The following DTNBP1 variants were observed in gnomAD, a reference collection of about 807,000 sequenced individuals.
DTNBP1 encodes the protein dystrobrevin binding protein 1.
In DTNBP1, 35 loss-of-function variants were observed where a neutral mutation model predicts 42.8. The ratio of observed to expected loss-of-function variants is 0.82; its 90% CI spans 0.63 to 1.09. The LOEUF (loss-of-function observed/expected upper bound fraction) is 1.09. DTNBP1 is among the 50% of genes least tolerant of loss of function. The pLI, the probability that DTNBP1 is intolerant of heterozygous loss-of-function variation, is 0.00. For synonymous variants in DTNBP1, 171 were observed against 162.2 expected (o/e 1.05, Z -0.41); for missense variants, 457 against 424.2 (o/e 1.08, Z -0.68).
At chr6:15,569,372 G>A (rs1256726906) in intron 7 of DTNBP1, among the ~76,000 whole-genome samples, 3 of 38,840 alleles carry the variant, frequency 7.7e-5, no homozygotes, top group African/African-American at 2.7e-4. Context: ...CGCCCGCCCC[G>A]ACAGGAACGA....
chr6:15,569,230 T>C (rs138404509), intron 7 of DTNBP1, among the ~76,000 whole-genome samples: 1,573 of 152,294 alleles, frequency 0.01, 9 homozygotes, highest in South Asian at 0.018. Context: ...AAGAATCATT[T>C]GCATCCCCAC....
intron 7 of DTNBP1, among the ~76,000 whole-genome samples, chr6:15,569,355 C>T (rs1435968865): frequency 5.7e-4 from 34 of 59,668 alleles, no homozygotes; most frequent in East Asian, 1.2e-3. Flanking sequence ...CAGTTAAGAC[C>T]CCCCCCCGCC....
intron 6 of DTNBP1, among the ~76,000 whole-genome samples, chr6:15,605,233 G>A (rs1167538097): frequency 1.3e-5 from 2 of 152,150 alleles, no homozygotes; most frequent in East Asian, 3.8e-4. Context: ...TATTGTGAGA[G>A]AACTTCAATA....
At chr6:15,588,079 A>C (rs906150742) in intron 7 of DTNBP1, among the ~76,000 whole-genome samples, 1 of 152,218 alleles carries the variant, frequency 6.6e-6, no homozygotes, top group Admixed American at 6.5e-5. Flanking sequence ...CAAAACCTGG[A>C]AACAATCCAA....
At chr6:15,648,790 T>C (rs112315327) in intron 3 of DTNBP1, among the ~76,000 whole-genome samples, 1,763 of 152,184 alleles carry the variant, frequency 0.012, 14 homozygotes, top group Non-Finnish European at 0.017. Flanking sequence ...ATACTTAACA[T>C]TGTTATCTGT....
intron 4 of DTNBP1, among the ~76,000 whole-genome samples, chr6:15,635,187 C>T (rs566613143): frequency 1.6e-4 from 25 of 152,206 alleles, no homozygotes; most frequent in African/African-American, 5.8e-4. Context: ...GGCATGATCT[C>T]GGCTCATTGC....
At chr6:15,542,380 T>C (rs1480246743) in intron 7 of DTNBP1, among the ~76,000 whole-genome samples, 2 of 152,274 alleles carry the variant, frequency 1.3e-5, no homozygotes, top group South Asian at 4.1e-4. Flanking sequence ...TTTTTTGTTT[T>C]TTGTTTTTTT....
At chr6:15,604,320 C>T (rs536656638) in intron 6 of DTNBP1, among the ~76,000 whole-genome samples, 42 of 152,290 alleles carry the variant, frequency 2.8e-4, no homozygotes, top group African/African-American at 9.9e-4. Context: ...TCTCCTGCTC[C>T]CCTTTTCATT....
intron 6 of DTNBP1, 46 bp from the exon 7 acceptor site, chr6:15,593,127 C>G: frequency 6.6e-7 from 1 of 1,511,224 alleles, no homozygotes; most frequent in Non-Finnish European, 9.0e-7. Context: ...AATTAAAAAT[C>G]TCCCCAATGA....
At chr6:15,628,937 A>C (rs964525921) in intron 4 of DTNBP1, among the ~76,000 whole-genome samples, 2 of 152,210 alleles carry the variant, frequency 1.3e-5, no homozygotes. Flanking sequence ...CCCACGCTGG[A>C]GGGATAAACA....
intron 5 of DTNBP1, among the ~76,000 whole-genome samples, chr6:15,616,036 T>G (rs1017311919): frequency 6.6e-6 from 1 of 152,208 alleles, no homozygotes; most frequent in African/African-American, 2.4e-5. Flanking sequence ...TATTGGAACA[T>G]GAAGATCACC....
At chr6:15,576,835 C>G (rs973235106) in intron 7 of DTNBP1, among the ~76,000 whole-genome samples, 1 of 148,898 alleles carries the variant, frequency 6.7e-6, no homozygotes, top group Non-Finnish European at 1.5e-5. Context: ...GCTGTAAGAA[C>G]TGGAGAGCCA....
chr6:15,573,580 T>C (rs1171716185), intron 7 of DTNBP1, among the ~76,000 whole-genome samples: 1 of 152,022 alleles, frequency 6.6e-6, no homozygotes, highest in Non-Finnish European at 1.5e-5. Context: ...TCTGGGAGGC[T>C]GAAGCAAGTG....
chr6:15,627,492 G>A lies in DTNBP1; in HGVS notation c.223-17C>T, dbSNP rs951822095. 1.2e-6 allele frequency: 2 copies of A among 1,613,400 alleles called. No homozygotes were observed. Among genetic ancestry groups the A allele is most frequent in the South Asian group, 2.2e-5 (2 of 91,042 alleles). ...ATCCACCAGCTGCAGCACACAAGAA[G>A]GGGGGTAAAGTGAAACCAGGTTTTA... On this transcript the variant is annotated splice_polypyrimidine_tract_variant and intron_variant, in intron 4 of 9. Coordinates refer to ENST00000344537, the MANE Select transcript of DTNBP1 (RefSeq NM_032122.5).
chr6:15,662,452 C>G (rs1470317516), intron 1 of DTNBP1, among the ~76,000 whole-genome samples: 2 of 152,178 alleles, frequency 1.3e-5, no homozygotes, highest in African/African-American at 4.8e-5. Context: ...GCCACTGTGC[C>G]GCGGGGGCGG....
chr6:15,611,023 T>C (rs992436390), intron 6 of DTNBP1, among the ~76,000 whole-genome samples: 1 of 152,224 alleles, frequency 6.6e-6, no homozygotes, highest in African/African-American at 2.4e-5. Context: ...TAGACTTTTA[T>C]TGGAAGAAGA....
At chr6:15,620,056 AATT>A (rs1191469056) in intron 5 of DTNBP1, among the ~76,000 whole-genome samples, 3 of 152,110 alleles carry the variant, frequency 2.0e-5, no homozygotes, top group African/African-American at 7.2e-5. Context: ...CAAAAGTGAA[AATT>A]TGATGACAAG....
At chr6:15,554,153 A>G (rs1393323055) in intron 7 of DTNBP1, among the ~76,000 whole-genome samples, 1 of 152,224 alleles carries the variant, frequency 6.6e-6, no homozygotes, top group Non-Finnish European at 1.5e-5. Context: ...TAGCATGCAA[A>G]TACATCAAGT....
intron 6 of DTNBP1, among the ~76,000 whole-genome samples, chr6:15,602,760 C>T (rs1255575197): frequency 6.6e-6 from 1 of 152,094 alleles, no homozygotes; most frequent in Admixed American, 6.5e-5. Flanking sequence ...AAACTTTTCT[C>T]GAGATTGCTA....
Sources: allele counts gnomAD v4.1 joint callset (sites outside exome capture counted in the v4.1 genomes callset), GRCh38; gene constraint gnomAD v4.1.1; transcripts MANE v1.5; gene names NCBI Gene and HGNC (gene_info 2026-07-23, HGNC 2026-07-21).